GMDS: variants seen among roughly 807,000 people sequenced by gnomAD.
GMDS encodes GDP-mannose 4,6 dehydratase.
Under a neutral mutation model 49.9 loss-of-function variants are expected in GMDS, and 20 were observed. The ratio of observed to expected loss-of-function variants is 0.40; its 90% CI spans 0.28 to 0.58. The LOEUF is 0.58. GMDS is among the 20% of genes least tolerant of loss of function. The pLI, the probability that GMDS is intolerant of heterozygous loss-of-function variation, is 0.42. For synonymous variants in GMDS, 177 were observed against 178.6 expected (o/e 0.99, Z 0.07); for missense variants, 362 against 481.4 (o/e 0.75, Z 2.32).
chr6:2,196,861 C>T (rs1286724471), intron 1 of GMDS, among the ~76,000 whole-genome samples: 3 of 152,144 alleles, frequency 2.0e-5, no homozygotes, highest in African/African-American at 7.2e-5. Flanking sequence ...CAAAGCATAC[C>T]TTTATCTTCA....
At chr6:1,745,192 C>T (rs1432119542) in intron 7 of GMDS, among the ~76,000 whole-genome samples, 2 of 152,238 alleles carry the variant, frequency 1.3e-5, no homozygotes, top group African/African-American at 4.8e-5. Context: ...TTCAGGGCCA[C>T]TCAGCTTATT....
chr6:2,137,625 C>T (rs567519183), intron 1 of GMDS, among the ~76,000 whole-genome samples: 10 of 152,300 alleles, frequency 6.6e-5, no homozygotes, highest in African/African-American at 1.7e-4. Flanking sequence ...TGAGCCACCG[C>T]GCCCGGCCCA....
chr6:1,847,630 G>A (rs1037634058), intron 7 of GMDS, among the ~76,000 whole-genome samples: 1 of 152,158 alleles, frequency 6.6e-6, no homozygotes, highest in African/African-American at 2.4e-5. Context: ...GCTACTTTCT[G>A]CAGAATGTGT....
intron 7 of GMDS, among the ~76,000 whole-genome samples, chr6:1,805,263 T>C (rs1235661541): frequency 6.6e-6 from 1 of 152,220 alleles, no homozygotes; most frequent in Non-Finnish European, 1.5e-5. Flanking sequence ...CTGGTAGTTA[T>C]ATATGCACTA....
chr6:1,739,556 AGG>A (rs1451453132), intron 8 of GMDS, among the ~76,000 whole-genome samples: 1 of 152,282 alleles, frequency 6.6e-6, no homozygotes, highest in African/African-American at 2.4e-5. Flanking sequence ...AAACAGGCCA[AGG>A]CCTGGGATCC....
chr6:1,785,788 T>C lies in GMDS; in HGVS notation c.772-43202A>G, dbSNP rs1769292424. Among the ~76,000 whole-genome samples, 7 of 152,218 alleles carry C rather than the reference T, an allele frequency of 4.6e-5. No individual in the cohort carries two copies. The South Asian group carries it at 1.4e-3, about 32-fold the overall frequency. ...CTCCAATGTGGTCGTATTTAGAGCA[T>C]AATCTGCCATAGTGGCTTGGTAGAG... On this transcript the variant is annotated intron_variant, in intron 7 of 10. Coordinates refer to ENST00000380815, the MANE Select transcript of GMDS (RefSeq NM_001500.4).
intron 8 of GMDS, 56 bp downstream of exon 8, chr6:1,742,412 G>T: frequency 1.1e-6 from 1 of 951,744 alleles, no homozygotes; most frequent in Non-Finnish European, 1.7e-6. Flanking sequence ...GCTTCAGCAA[G>T]CTCAGGTGCA....
At chr6:1,726,559 A>G (rs781501654) in intron 8 of GMDS, 47 bp from the exon 9 acceptor site, 2 of 1,413,838 alleles carry the variant, frequency 1.4e-6, no homozygotes, top group Non-Finnish European at 2.0e-6. Flanking sequence ...GCTTGGGAAC[A>G]TTTGGCCATG....
At chr6:1,976,302 T>C (rs771515395) in intron 4 of GMDS, among the ~76,000 whole-genome samples, 15 of 152,202 alleles carry the variant, frequency 9.9e-5, no homozygotes, top group Non-Finnish European at 1.2e-4. Flanking sequence ...GGCCAATCTC[T>C]TGAGAAGCAA....
intron 7 of GMDS, among the ~76,000 whole-genome samples, chr6:1,777,602 G>A (rs1219024950): frequency 6.6e-6 from 1 of 152,186 alleles, no homozygotes; most frequent in African/African-American, 2.4e-5. Context: ...ATATTTCTAG[G>A]AAAAAGGAGA....
At chr6:1,979,156 T>C (rs1034709964) in intron 4 of GMDS, among the ~76,000 whole-genome samples, 6 of 152,360 alleles carry the variant, frequency 3.9e-5, no homozygotes, top group African/African-American at 1.4e-4. Flanking sequence ...TCCAAATGAC[T>C]GCAGTAACTC....
At chr6:1,687,890 G>T (rs192671406) in intron 9 of GMDS, among the ~76,000 whole-genome samples, 1 of 152,266 alleles carries the variant, frequency 6.6e-6, no homozygotes, top group East Asian at 1.9e-4. Flanking sequence ...GGCAGGTCAT[G>T]GAGAACACTG....
At chr6:2,218,163 C>T (rs1780422876) in intron 1 of GMDS, among the ~76,000 whole-genome samples, 1 of 152,142 alleles carries the variant, frequency 6.6e-6, no homozygotes, top group South Asian at 2.1e-4. Flanking sequence ...TCACTTACTC[C>T]CCTTTTTGTA....
At chr6:2,218,304 A>G (rs574888642) in intron 1 of GMDS, among the ~76,000 whole-genome samples, 1 of 152,338 alleles carries the variant, frequency 6.6e-6, no homozygotes, top group African/African-American at 2.4e-5. Context: ...GCACAGGTGA[A>G]AGAAAAGCAA....
intron 4 of GMDS, among the ~76,000 whole-genome samples, chr6:2,025,355 GGGGTGTGTGT>G (rs1561985265): frequency 5.8e-5 from 7 of 120,246 alleles, no homozygotes; most frequent in African/African-American, 1.9e-4. Flanking sequence ...ATCTGATGGT[GGGGTGTGTGT>G]GTGTGTGTGT....
chr6:1,947,941 C>T (rs1198983885), intron 6 of GMDS, among the ~76,000 whole-genome samples: 2 of 152,012 alleles, frequency 1.3e-5, no homozygotes, highest in Non-Finnish European at 2.9e-5. Context: ...CCCTTTATTC[C>T]TTCTGTTTAT....
intron 9 of GMDS, among the ~76,000 whole-genome samples, chr6:1,665,405 T>C (rs1764207202): frequency 6.6e-6 from 1 of 152,056 alleles, no homozygotes; most frequent in African/African-American, 2.4e-5. Flanking sequence ...TTAAAGAGAT[T>C]TGTTTCAGTT....
chr6:1,866,024 G>A (rs892794262), intron 7 of GMDS, among the ~76,000 whole-genome samples: 6 of 152,234 alleles, frequency 3.9e-5, no homozygotes, highest in Admixed American at 3.9e-4. Context: ...ATTTACAACT[G>A]GAAATTTCTG....
chr6:1,899,025 T>TGAGC (rs1760364847), intron 7 of GMDS, among the ~76,000 whole-genome samples: 1 of 152,240 alleles, frequency 6.6e-6, no homozygotes, highest in African/African-American at 2.4e-5. Context: ...GCCTGCCTTA[T>TGAGC]AAATGCTCCT....
Sources: gnomAD v4.1 joint callset for allele counts (sites outside exome capture counted in the v4.1 genomes callset) on GRCh38, gnomAD v4.1.1 for gene constraint, MANE v1.5 for transcripts, NCBI Gene and HGNC (gene_info 2026-07-23, HGNC 2026-07-21) for gene names.